Variants in SEC23IP observed in about 807,000 individuals in gnomAD.
SEC23IP encodes the protein SEC23-interacting protein.
In SEC23IP, 70 loss-of-function variants were observed where a neutral mutation model predicts 113.4. The observed-to-expected ratio is 0.62, with a 90% CI of 0.51 to 0.75. The LOEUF is 0.75. Ranked by LOEUF, SEC23IP falls within the 30% of genes least tolerant of loss-of-function variation. The probability of loss-of-function intolerance (pLI) is 0.00; values close to 1 mark genes in which losing one functional copy is unlikely to be tolerated. For missense variants in SEC23IP, 1,160 were observed against 1,204.9 expected (o/e 0.96, Z 0.55); for synonymous variants, 398 against 421.0 (o/e 0.95, Z 0.67).
intron 1 of SEC23IP, chr10:119,898,216 C>T (rs867376364): frequency 1.5e-5 from 13 of 881,976 alleles, no homozygotes; most frequent in East Asian, 3.2e-5. Flanking sequence ...ATTGTTTCCT[C>T]TTATGTTTTC....
intron 4 of SEC23IP, among the ~76,000 whole-genome samples, chr10:119,907,306 A>G (rs989929535): frequency 1.3e-5 from 2 of 152,064 alleles, no homozygotes; most frequent in African/African-American, 4.8e-5. Context: ...AAAAAAAAAA[A>G]GTACGGAAGA....
Position 119,903,014 on chromosome 10 carries a change from A to G in SEC23IP, c.907+5A>G. On this transcript the variant is annotated splice_donor_5th_base_variant and intron_variant, in intron 3 of 18. Coordinates refer to ENST00000369075, the MANE Select transcript of SEC23IP (RefSeq NM_007190.4). ...TTGAAGAAATCTATAATTCAGGTAA[A>G]CATTGGTCATACATCATTCATATCT... The G allele has an allele frequency of 6.2e-7, 1 of 1,604,262 alleles. No homozygotes were observed. Among genetic ancestry groups the G allele is most frequent in the Non-Finnish European group, 8.5e-7 (1 of 1,171,314 alleles).
chr10:119,934,578 A>C (rs993639614), intron 18 of SEC23IP, among the ~76,000 whole-genome samples: 11 of 152,248 alleles, frequency 7.2e-5, no homozygotes, highest in Non-Finnish European at 4.4e-5. Context: ...CATTACTTTT[A>C]AAAACAAGTA....
At chr10:119,924,823 G>C (rs1855368887) in intron 12 of SEC23IP, among the ~76,000 whole-genome samples, 1 of 152,026 alleles carries the variant, frequency 6.6e-6, no homozygotes, top group Non-Finnish European at 1.5e-5. Flanking sequence ...TGTCACTCAG[G>C]CTGGAGTGCA....
chr10:119,902,077 C>T lies in SEC23IP; in HGVS notation c.697-722C>T, dbSNP rs142943479. Reference sequence around the variant, plus strand: ...AGGCACATTTTAAAGGTTAAATAGGCCGGGTGTGGTGGCTCACACCTGTAA... The same window carrying T: ...AGGCACATTTTAAAGGTTAAATAGGTCGGGTGTGGTGGCTCACACCTGTAA... On this transcript the variant is annotated intron_variant, in intron 2 of 18. Coordinates refer to ENST00000369075, the MANE Select transcript of SEC23IP (RefSeq NM_007190.4). Among the ~76,000 whole-genome samples, 362 of 152,226 alleles carry T rather than the reference C, an allele frequency of 2.4e-3. 1 individual carries two copies. Among genetic ancestry groups the T allele is most frequent in the African/African-American group, 7.9e-3 (329 of 41,520 alleles).
chr10:119,939,674 C>G (rs567375348), intron 18 of SEC23IP, among the ~76,000 whole-genome samples: 3 of 151,548 alleles, frequency 2.0e-5, no homozygotes, highest in South Asian at 4.2e-4. Context: ...GACTCTGTCT[C>G]AAAGAAAAAA....
At position 119,917,996 on chromosome 10, in the gene SEC23IP, C is replaced by T. The variant is rs752564992; in HGVS notation, c.1705C>T (p.Arg569Trp). ...INHLHALFMS[R>W]NPDFKGGVSV... ...CCATCTGCATGCACTCTTTATGAGT[C>T]GGAACCCAGACTTCAAAGGAGGTGT... Residue 569 changes from arginine (R) to tryptophan (W), a missense_variant, in exon 9 of 19, where the codon CGG (arginine) becomes TGG (tryptophan). Coordinates refer to ENST00000369075, the MANE Select transcript of SEC23IP (RefSeq NM_007190.4). The T allele has an allele frequency of 4.3e-6, 7 of 1,614,014 alleles. No individual in the cohort carries two copies. The highest frequency in any genetic ancestry group is 1.7e-5 in the Admixed American group (1 of 60,016).
At chr10:119,923,298 C>T (rs966476356) in intron 12 of SEC23IP, among the ~76,000 whole-genome samples, 12 of 151,762 alleles carry the variant, frequency 7.9e-5, no homozygotes, top group African/African-American at 2.9e-4. Context: ...CCATTGATTG[C>T]TTTACACTTC....
intron 5 of SEC23IP, 136 bp from the exon 6 acceptor site, chr10:119,911,908 G>T (rs937689837): frequency 1.9e-6 from 2 of 1,030,076 alleles, no homozygotes; most frequent in Non-Finnish European, 2.8e-6. Flanking sequence ...TTCAAAGTTT[G>T]TTTTGGGGGA....
At chr10:119,898,303 A>C in intron 1 of SEC23IP, 124 bp from the exon 2 acceptor site, 1 of 1,352,310 alleles carries the variant, frequency 7.4e-7, no homozygotes, top group East Asian at 2.7e-5. Flanking sequence ...TTTTTTCTGT[A>C]ATGCAGAAAT....
Position 119,941,323 on chromosome 10 carries a change from G to A in SEC23IP, c.*758G>A, listed in dbSNP as rs1327410359. 1 of 152,210 alleles carries A rather than the reference G, an allele frequency of 6.6e-6. No homozygotes were observed. Among genetic ancestry groups the A allele is most frequent in the Non-Finnish European group, 1.5e-5 (1 of 68,030 alleles). 9.4% of individuals were successfully genotyped at this position (152,210 alleles called of 1,614,324 possible). A position where few individuals can be genotyped will look rare whatever the true frequency, so the allele number is the denominator to read the frequency against. On this transcript the variant is annotated 3_prime_UTR_variant, in exon 19 of 19. Coordinates refer to ENST00000369075, the MANE Select transcript of SEC23IP (RefSeq NM_007190.4). ...TGTCATCCAAGGTAGCTGTGCACTT[G>A]CCTTGTTGCTGAAGTTCCAATAATG...
intron 6 of SEC23IP, among the ~76,000 whole-genome samples, chr10:119,913,835 C>T (rs902970264): frequency 6.6e-6 from 1 of 151,810 alleles, no homozygotes; most frequent in African/African-American, 2.4e-5. Flanking sequence ...TGAATGGTTT[C>T]CCCTTCGTCA....
At position 119,892,815 on chromosome 10, in the gene SEC23IP, C is replaced by T. The variant is rs761614545; in HGVS notation, c.33C>T (p.Gly11=). The change falls in exon 1 of 19, where the codon GGC becomes GGT. Residue 11 remains glycine, a synonymous_variant. Transcript: ENST00000369075. ...AGAGAAAACCTAACGGTGGCAGCGG[C>T]GGCGCCTCCACTTCCTCATCGGGCA... MAERKPNGGS[G]GASTSSSGTN... The T allele has an allele frequency of 6.2e-7, 1 of 1,612,386 alleles. No individual in the cohort carries two copies. The highest frequency in any genetic ancestry group is 1.1e-5 in the South Asian group (1 of 90,810).
At chr10:119,925,456 T>A (rs1855389616) in intron 12 of SEC23IP, among the ~76,000 whole-genome samples, 1 of 152,260 alleles carries the variant, frequency 6.6e-6, no homozygotes, top group Non-Finnish European at 1.5e-5. Flanking sequence ...ATTATTTTTC[T>A]TAAGAATTTT....
intron 18 of SEC23IP, among the ~76,000 whole-genome samples, chr10:119,939,951 C>T (rs190195610): frequency 1.4e-4 from 21 of 152,278 alleles, no homozygotes; most frequent in South Asian, 6.2e-4. Flanking sequence ...CTTGCCTCGG[C>T]CTCCCACAGT....
intron 6 of SEC23IP, 22 bp from the exon 7 acceptor site, chr10:119,914,708 G>GT: frequency 2.5e-6 from 4 of 1,601,684 alleles, no homozygotes; most frequent in Non-Finnish European, 3.4e-6. Flanking sequence ...TTTTATGTAG[G>GT]TTTAAAAATT....
intron 4 of SEC23IP, chr10:119,904,576 G>A (rs778115845): frequency 1.6e-5 from 4 of 247,518 alleles, no homozygotes; most frequent in Non-Finnish European, 1.5e-5. Context: ...AAGATGCCAA[G>A]CATATGGACA....
chr10:119,934,686 A>G (rs964413285), intron 18 of SEC23IP, among the ~76,000 whole-genome samples: 3 of 152,224 alleles, frequency 2.0e-5, no homozygotes, highest in East Asian at 1.9e-4. Context: ...AGTTCCTGCC[A>G]TTTTTGGTTT....
chr10:119,910,440 A>G (rs1854820283), intron 5 of SEC23IP, among the ~76,000 whole-genome samples: 1 of 152,222 alleles, frequency 6.6e-6, no homozygotes, highest in South Asian at 2.1e-4. Context: ...AGCATCTAGC[A>G]TGGGGCTTAG....
Sources: allele counts gnomAD v4.1 joint callset (sites outside exome capture counted in the v4.1 genomes callset), GRCh38; gene constraint gnomAD v4.1.1; transcripts MANE v1.5; gene names NCBI Gene and HGNC (gene_info 2026-07-23, HGNC 2026-07-21).